Variants in PHYHIPL observed in about 807,000 individuals in gnomAD.
The protein encoded by PHYHIPL is phytanoyl-CoA hydroxylase-interacting protein-like.
Under a neutral mutation model 33.4 loss-of-function variants are expected in PHYHIPL, and 9 were observed. The observed-to-expected ratio is 0.27, with a 90% CI of 0.16 to 0.47. PHYHIPL has a LOEUF of 0.47. Among genes scored for constraint, PHYHIPL ranks in the 20% least tolerant of loss-of-function variants. The pLI is 0.99. For missense variants in PHYHIPL, 365 were observed against 460.7 expected (o/e 0.79, Z 1.90); for synonymous variants, 153 against 154.1 (o/e 0.99, Z 0.05).
At chr10:59,195,627 T>C (rs1032917622) in intron 1 of PHYHIPL, among the ~76,000 whole-genome samples, 1 of 152,282 alleles carries the variant, frequency 6.6e-6, no homozygotes, top group East Asian at 1.9e-4. Flanking sequence ...GGGAGAAGGG[T>C]AGGAGAAGGA....
At chr10:59,189,831 G>T (rs746473464) in intron 1 of PHYHIPL, among the ~76,000 whole-genome samples, 1 of 151,970 alleles carries the variant, frequency 6.6e-6, no homozygotes, top group African/African-American at 2.4e-5. Context: ...GTAGGAGAGG[G>T]GTATTTCTGG....
chr10:59,195,719 T>C (rs1275233025), intron 1 of PHYHIPL, among the ~76,000 whole-genome samples: 2 of 152,182 alleles, frequency 1.3e-5, no homozygotes, highest in East Asian at 3.9e-4. Flanking sequence ...ACCCATTGCT[T>C]ACTAACATTT....
intron 4 of PHYHIPL, among the ~76,000 whole-genome samples, chr10:59,242,069 A>G (rs921298766): frequency 6.6e-6 from 1 of 152,142 alleles, no homozygotes; most frequent in African/African-American, 2.4e-5. Flanking sequence ...AGGAACCTAG[A>G]CCTCTATCCT....
chr10:59,212,139 C>T (rs1387991755), intron 1 of PHYHIPL, among the ~76,000 whole-genome samples: 1 of 152,104 alleles, frequency 6.6e-6, no homozygotes, highest in African/African-American at 2.4e-5. Context: ...ATGTGATGCC[C>T]TGCACTGGTG....
chr10:59,192,907 A>G (rs1838818842), intron 1 of PHYHIPL, among the ~76,000 whole-genome samples: 2 of 152,158 alleles, frequency 1.3e-5, no homozygotes, highest in African/African-American at 4.8e-5. Context: ...AGATTTCAAT[A>G]TCTGTGGAAT....
intron 1 of PHYHIPL, among the ~76,000 whole-genome samples, chr10:59,223,196 T>C (rs1196414740): frequency 5.3e-5 from 8 of 152,234 alleles, no homozygotes; most frequent in Non-Finnish European, 8.8e-5. Context: ...TTTACCTTAC[T>C]GTAAATTAAA....
chr10:59,243,128 GA>G (rs60177214), intron 4 of PHYHIPL, among the ~76,000 whole-genome samples: 30,453 of 137,746 alleles, frequency 0.22, 3,957 homozygotes, highest in African/African-American at 0.38. Flanking sequence ...CAGGCCAAAG[GA>G]AAAAAAAAAA....
upstream of PHYHIPL, among the ~76,000 whole-genome samples, chr10:59,173,895 T>G (rs968761340): frequency 7.2e-6 from 1 of 139,472 alleles, no homozygotes; most frequent in Non-Finnish European, 1.5e-5. Context: ...GGTCAGAAGA[T>G]GAGAGGAAAA....
intron 1 of PHYHIPL, among the ~76,000 whole-genome samples, chr10:59,210,651 C>T (rs545262490): frequency 6.6e-6 from 1 of 152,130 alleles, no homozygotes; most frequent in Non-Finnish European, 1.5e-5. Context: ...GCACTGTTCA[C>T]AATAGCAAAG....
At chr10:59,232,654 T>G (rs1840112262) in intron 1 of PHYHIPL, among the ~76,000 whole-genome samples, 1 of 151,974 alleles carries the variant, frequency 6.6e-6, no homozygotes, top group South Asian at 2.1e-4. Flanking sequence ...TAGCTTTATT[T>G]TTATCTACAT....
chr10:59,223,470 C>T (rs1839835334), intron 1 of PHYHIPL, among the ~76,000 whole-genome samples: 1 of 152,116 alleles, frequency 6.6e-6, no homozygotes, highest in Non-Finnish European at 1.5e-5. Context: ...TATTTCAATA[C>T]CTAAGATACT....
chr10:59,234,524 C>T, intron 2 of PHYHIPL, 24 bp downstream of exon 2: 2 of 1,463,800 alleles, frequency 1.4e-6, no homozygotes, highest in Non-Finnish European at 1.8e-6. Flanking sequence ...AATACTCATG[C>T]TAATTTGCAT....
intron 4 of PHYHIPL, among the ~76,000 whole-genome samples, chr10:59,239,528 T>C (rs142639818): frequency 6.6e-6 from 1 of 151,994 alleles, no homozygotes; most frequent in East Asian, 1.9e-4. Flanking sequence ...CCAAAACATA[T>C]CAGCTGTTAT....
upstream of PHYHIPL, among the ~76,000 whole-genome samples, chr10:59,174,737 T>C (rs58850766): frequency 0.063 from 9,589 of 152,258 alleles, 622 homozygotes; most frequent in African/African-American, 0.16. Context: ...TCCCTTAAGA[T>C]AAAATCATTT....
intron 1 of PHYHIPL, among the ~76,000 whole-genome samples, chr10:59,210,738 G>A (rs919518829): frequency 6.6e-6 from 1 of 152,170 alleles, no homozygotes; most frequent in South Asian, 2.1e-4. Flanking sequence ...GGAATACTAT[G>A]TGGCCATAAA....
intron 1 of PHYHIPL, among the ~76,000 whole-genome samples, chr10:59,213,667 T>C (rs750551776): frequency 1.3e-5 from 2 of 152,184 alleles, no homozygotes; most frequent in Non-Finnish European, 2.9e-5. Flanking sequence ...GGCTGAGATT[T>C]TGGGAATGCC....
rs1052914861 is a variant in PHYHIPL, at chr10:59,212,887, T to C, written c.107-21417T>C. Among the ~76,000 whole-genome samples the C allele has an allele frequency of 2.6e-5, 4 of 152,222 alleles. 1 individual carries two copies. The highest frequency in any genetic ancestry group is 2.6e-4 in the Admixed American group (4 of 15,274). ...CCAGGATTTTATCGGCTTATCAATT[T>C]GTACAACATAGATAATAAATTAATG... On this transcript the variant is annotated intron_variant, in intron 1 of 4. Transcript: ENST00000373880.
At position 59,247,701 on chromosome 10, in the gene PHYHIPL, A is replaced by C. The variant is rs375423061; in HGVS notation, c.*2110A>C. 119 of 1,613,104 alleles carry C rather than the reference A, an allele frequency of 7.4e-5. No individual in the cohort carries two copies. The highest frequency in any genetic ancestry group is 9.5e-5 in the Non-Finnish European group (112 of 1,179,514). On this transcript the variant is annotated 3_prime_UTR_variant, in exon 5 of 5. Transcript: ENST00000373880. ...TTATGTGCTTATATTCATAATACTC[A>C]TCTGCCATTGGTATCCTATCTTCCT... is the stretch of plus-strand genomic sequence containing the variant.
At chr10:59,195,780 A>G (rs566298706) in intron 1 of PHYHIPL, among the ~76,000 whole-genome samples, 2 of 152,234 alleles carry the variant, frequency 1.3e-5, no homozygotes, top group East Asian at 3.9e-4. Flanking sequence ...TTGTTTTTAC[A>G]TATGTAAAGA....
Sources: allele counts gnomAD v4.1 joint callset (sites outside exome capture counted in the v4.1 genomes callset), GRCh38; gene constraint gnomAD v4.1.1; transcripts MANE v1.5; gene names NCBI Gene and HGNC (gene_info 2026-07-23, HGNC 2026-07-21).